Variants in DNAJB13 observed in about 807,000 individuals in gnomAD.
DNAJB13 encodes dnaJ homolog subfamily B member 13.
In DNAJB13, 22 loss-of-function variants were observed where a neutral mutation model predicts 35.6. The observed-to-expected ratio is 0.62, with a 90% confidence interval of 0.44 to 0.88. DNAJB13 has a LOEUF of 0.88. Among genes scored for constraint, DNAJB13 ranks in the 40% least tolerant of loss-of-function variants. The probability of loss-of-function intolerance (pLI) is 0.00; values close to 1 mark genes in which losing one functional copy is unlikely to be tolerated. For synonymous variants in DNAJB13, 136 were observed against 144.2 expected, an observed-to-expected ratio of 0.94 and a Z score of 0.41; for missense variants, 370 against 384.3, an observed-to-expected ratio of 0.96 and a Z score of 0.31.
intron 1 of DNAJB13, among the ~76,000 whole-genome samples, chr11:73,952,771 A>C (rs1950619255): frequency 6.6e-6 from 1 of 152,232 alleles, no homozygotes; most frequent in African/African-American, 2.4e-5. Flanking sequence ...CTTACCTGCT[A>C]GCTGCGTGAC....
rs1565166830 is a variant in DNAJB13, at chr11:73,954,032, A to ATTAT, written c.68+2896_68+2897insTATT. 2.5e-3 allele frequency among the ~76,000 whole-genome samples: 360 copies of ATTAT among 145,270 alleles called. 1 individual carries two copies. Among genetic ancestry groups the ATTAT allele is most frequent in the African/African-American group, 9.0e-3 (349 of 38,970 alleles). On this transcript the variant is annotated intron_variant, in intron 1 of 7. Transcript: ENST00000339764. ...AATAATAATAATAATAATAATAATA[A>ATTAT]TAATAATAATGGCTGGACACAGTGG...
intron 3 of DNAJB13, among the ~76,000 whole-genome samples, chr11:73,960,612 G>A (rs1385338756): frequency 1.3e-5 from 2 of 151,992 alleles, no homozygotes; most frequent in East Asian, 1.9e-4. Context: ...ATGAGCCACC[G>A]TGTCTGGCCG....
intron 3 of DNAJB13, among the ~76,000 whole-genome samples, chr11:73,963,041 A>T (rs543483899): frequency 4.6e-5 from 7 of 152,070 alleles, no homozygotes; most frequent in Admixed American, 2.6e-4. Flanking sequence ...GGGCTTTGCA[A>T]TCGGCCGGGC....
rs114334768 is a variant in DNAJB13, at chr11:73,957,136, G to C, written c.69-1181G>C. On this transcript the variant is annotated intron_variant, in intron 1 of 7. Coordinates refer to ENST00000339764, the MANE Select transcript of DNAJB13 (RefSeq NM_153614.4). ...CTCCCCACCCTTCCTGCCCTGCTGCGCTCCGGGAGGCTTCCTTGCCCTCAG... is the reference window on the plus strand; with the variant it reads ...CTCCCCACCCTTCCTGCCCTGCTGCCCTCCGGGAGGCTTCCTTGCCCTCAG... Among the ~76,000 whole-genome samples the C allele has an allele frequency of 5.4e-3, 827 of 152,320 alleles. 8 individuals are homozygous for C. The highest frequency in any genetic ancestry group is 0.018 in the African/African-American group (748 of 41,578).
At chr11:73,951,797 C>G (rs1360763235) in intron 1 of DNAJB13, among the ~76,000 whole-genome samples, 1 of 152,112 alleles carries the variant, frequency 6.6e-6, no homozygotes, top group African/African-American at 2.4e-5. Context: ...CAGGCATGCA[C>G]CACCATGCCC....
At chr11:73,964,707 G>A in intron 3 of DNAJB13, 171 bp from the exon 4 acceptor site, 1 of 694,060 alleles carries the variant, frequency 1.4e-6, no homozygotes, top group South Asian at 1.8e-5. Flanking sequence ...GTGGTTATAG[G>A]ATGCTGGGTG....
chr11:73,968,155 T>A, intron 5 of DNAJB13, 190 bp from the exon 6 acceptor site: 1 of 606,034 alleles, frequency 1.7e-6, no homozygotes, highest in Non-Finnish European at 3.0e-6. Context: ...CTGGGGGGAT[T>A]CATTTGGGTA....
At chr11:73,962,894 C>T (rs189821641) in intron 3 of DNAJB13, among the ~76,000 whole-genome samples, 3 of 152,290 alleles carry the variant, frequency 2.0e-5, no homozygotes, top group Admixed American at 6.5e-5. Flanking sequence ...CCAATCCATG[C>T]GCTGCCATTT....
At chr11:73,959,720 G>C in intron 3 of DNAJB13, 65 bp downstream of exon 3, 11 of 1,404,210 alleles carry the variant, frequency 7.8e-6, no homozygotes, top group Non-Finnish European at 9.4e-6. Context: ...TGATGTTTTC[G>C]TTGAGTAGTT....
At chr11:73,959,401 C>T (rs949545625) in intron 2 of DNAJB13, 93 bp from the exon 3 acceptor site, 30 of 1,452,310 alleles carry the variant, frequency 2.1e-5, no homozygotes, top group Non-Finnish European at 2.7e-5. Context: ...GCTTCTGCCC[C>T]TTCCCTTTCT....
At chr11:73,952,826 C>A (rs1565165858) in intron 1 of DNAJB13, among the ~76,000 whole-genome samples, 12 of 152,110 alleles carry the variant, frequency 7.9e-5, no homozygotes. Flanking sequence ...TTTCCCATGT[C>A]TAAAAATCAT....
intron 3 of DNAJB13, among the ~76,000 whole-genome samples, chr11:73,962,867 G>C (rs140943564): frequency 6.6e-6 from 1 of 152,296 alleles, no homozygotes; most frequent in Non-Finnish European, 1.5e-5. Context: ...AAGGGGCTTC[G>C]AGTAGCGGGC....
Position 73,959,513 on chromosome 11 carries a change from C to G in DNAJB13, c.192C>G (p.Tyr64Ter). The G allele has an allele frequency of 6.2e-7, 1 of 1,613,822 alleles. No homozygotes were observed. Among genetic ancestry groups the G allele is most frequent in the Non-Finnish European group, 8.5e-7 (1 of 1,179,824 alleles). ...VLSDPMKRGI[Y>*]DKFGEEGLKG... ...CCACAGCCATGAAGAGAGGCATCTA[C>G]GACAAGTTTGGAGAAGAGGGCCTGA... The change falls in exon 3 of 8, where the codon TAC (tyrosine) becomes TAG (stop). Residue 64 changes from tyrosine to a stop codon, truncating the protein, a stop_gained. Transcript: ENST00000339764. LOFTEE classifies it high-confidence loss of function.
intron 1 of DNAJB13, among the ~76,000 whole-genome samples, chr11:73,952,727 G>T (rs1950618426): frequency 6.6e-6 from 1 of 152,222 alleles, no homozygotes; most frequent in South Asian, 2.1e-4. Context: ...CACAGCTTAA[G>T]CACTGGAAAG....
At chr11:73,961,063 G>C (rs1950919206) in intron 3 of DNAJB13, among the ~76,000 whole-genome samples, 1 of 152,102 alleles carries the variant, frequency 6.6e-6, no homozygotes, top group South Asian at 2.1e-4. Flanking sequence ...GAGGTGGCTG[G>C]ATTGCTTGAG....
At chr11:73,963,086 G>A (rs1342447373) in intron 3 of DNAJB13, among the ~76,000 whole-genome samples, 1 of 152,154 alleles carries the variant, frequency 6.6e-6, no homozygotes, top group Non-Finnish European at 1.5e-5. Context: ...AGCACTTCAG[G>A]AGGCTGAGGC....
rs72982971 is a variant in DNAJB13, at chr11:73,969,731, C to T, written c.798-230C>T. 0.25 allele frequency among the ~76,000 whole-genome samples: 36,957 copies of T among 148,662 alleles called. 4,687 individuals are homozygous for T. The highest frequency in any genetic ancestry group is 0.32 in the Admixed American group (4,759 of 15,104). On this transcript the variant is annotated intron_variant, in intron 7 of 7. Transcript: ENST00000339764. Reference sequence around the variant, plus strand: ...CCAGGGTTTGCTCACCTTTACTTCCCGTTTCCCATGTCTTAAACAAAGTTT... The same window carrying T: ...CCAGGGTTTGCTCACCTTTACTTCCTGTTTCCCATGTCTTAAACAAAGTTT...
In DNAJB13 at chr11:73,959,482, G is replaced by A. The variant is rs1450234414; in HGVS notation, c.173-12G>A. 6.2e-7 allele frequency: 1 copy of A among 1,611,994 alleles called. No homozygotes were observed. The highest frequency in any genetic ancestry group is 8.5e-7 in the Non-Finnish European group (1 of 1,178,742). On this transcript the variant is annotated splice_polypyrimidine_tract_variant and intron_variant, in intron 2 of 7. Coordinates refer to ENST00000339764, the MANE Select transcript of DNAJB13 (RefSeq NM_153614.4). ...AAGTTGGACACCTCCTTAAGGTGAT[G>A]CCCATCCACAGCCATGAAGAGAGGC...
intron 1 of DNAJB13, among the ~76,000 whole-genome samples, chr11:73,951,749 C>T (rs1046988529): frequency 3.3e-5 from 5 of 152,116 alleles, no homozygotes; most frequent in African/African-American, 7.2e-5. Flanking sequence ...TGGGTTCAAG[C>T]GATTCTTCTG....
Sources: allele counts gnomAD v4.1 joint callset (sites outside exome capture counted in the v4.1 genomes callset), GRCh38; gene constraint gnomAD v4.1.1; transcripts MANE v1.5; gene names NCBI Gene and HGNC (gene_info 2026-07-23, HGNC 2026-07-21).